GNB1L: variants seen among roughly 807,000 people sequenced by gnomAD.
GNB1L encodes G protein subunit beta 1 like, also known as guanine nucleotide-binding protein subunit beta-like protein 1.
Under a neutral mutation model 29.1 loss-of-function variants are expected in GNB1L, and 20 were observed. That is an observed-to-expected ratio of 0.69 (90% confidence interval 0.48 to 1.00). The LOEUF is 1.00. Among genes scored for constraint, GNB1L ranks in the 50% least tolerant of loss-of-function variants. The pLI, the probability that GNB1L is intolerant of heterozygous loss-of-function variation, is 0.00. For missense variants in GNB1L, 421 were observed against 464.9 expected, an observed-to-expected ratio of 0.91 and a Z score of 0.87; for synonymous variants, 193 against 206.5, an observed-to-expected ratio of 0.93 and a Z score of 0.56.
At chr22:19,806,584 C>A in intron 6 of GNB1L, 75 bp downstream of exon 6, 1 of 916,174 alleles carries the variant, frequency 1.1e-6, no homozygotes, top group South Asian at 1.6e-5. Flanking sequence ...GACGATAAAT[C>A]AGATCCTGAA....
intron 6 of GNB1L, among the ~76,000 whole-genome samples, chr22:19,806,037 C>T (rs1937430183): frequency 6.6e-6 from 1 of 152,192 alleles, no homozygotes; most frequent in African/African-American, 2.4e-5. Flanking sequence ...GGAAGCTGTG[C>T]TGCATGGAGG....
intron 6 of GNB1L, among the ~76,000 whole-genome samples, chr22:19,802,446 C>G (rs566283011): frequency 2.0e-5 from 3 of 152,194 alleles, no homozygotes. Flanking sequence ...CTTAGGGCAC[C>G]CCAAGGACAT....
At chr22:19,838,601 GCTGGATTA>G (rs1479498163) in intron 2 of GNB1L, among the ~76,000 whole-genome samples, 1 of 151,974 alleles carries the variant, frequency 6.6e-6, no homozygotes, top group African/African-American at 2.4e-5. Flanking sequence ...CTCCTGGGTA[GCTGGATTA>G]CAGACGCCTG....
At chr22:19,829,862 T>C (rs1027907914) in intron 2 of GNB1L, among the ~76,000 whole-genome samples, 3 of 151,984 alleles carry the variant, frequency 2.0e-5, no homozygotes, top group South Asian at 2.1e-4. Flanking sequence ...TATATATATA[T>C]ACATCCCCCT....
chr22:19,820,752 AG>A (rs1335190853), intron 3 of GNB1L, 29 bp from the exon 4 acceptor site: 15 of 1,592,918 alleles, frequency 9.4e-6, no homozygotes, highest in Non-Finnish European at 1.3e-5. Flanking sequence ...GCAGGGTGTC[AG>A]GGGGCAGAAG....
intron 4 of GNB1L, among the ~76,000 whole-genome samples, chr22:19,820,183 T>A (rs1304009157): frequency 6.6e-6 from 1 of 152,132 alleles, no homozygotes; most frequent in African/African-American, 2.4e-5. Flanking sequence ...ACTGCCTGCA[T>A]CCCTGAGCCT....
intron 2 of GNB1L, chr22:19,848,736 C>T (rs1166724264): frequency 2.0e-6 from 2 of 985,338 alleles, no homozygotes; most frequent in Non-Finnish European, 2.4e-6. Flanking sequence ...ACTCACACAC[C>T]CCCAGGAGCT....
At chr22:19,799,699 AAGG>A (rs1937347195) in intron 7 of GNB1L, among the ~76,000 whole-genome samples, 1 of 152,202 alleles carries the variant, frequency 6.6e-6, no homozygotes, top group Non-Finnish European at 1.5e-5. Flanking sequence ...GCTCTCAGCC[AAGG>A]AGTCACAGTG....
chr22:19,804,031 T>G (rs1047847473), intron 6 of GNB1L, among the ~76,000 whole-genome samples: 2 of 152,262 alleles, frequency 1.3e-5, no homozygotes, highest in Non-Finnish European at 2.9e-5. Flanking sequence ...CTGACCCGCC[T>G]GTCGTGGTGC....
chr22:19,816,395 C>CT lies in GNB1L; in HGVS notation c.255-3949dup, dbSNP rs1937524207. ...CCAGGCTAATGGGAGTCCCTGCAGG[C>CT]TGGCTCAGAATCCTCTGACGTGGCC... On this transcript the variant is annotated intron_variant, in intron 4 of 7. Coordinates refer to ENST00000329517, the MANE Select transcript of GNB1L (RefSeq NM_053004.3). The surrounding 1 kb of genome is among the most constrained non-coding windows in gnomAD (Gnocchi z 4.4). Among the ~76,000 whole-genome samples, 1 of 152,214 alleles carries CT rather than the reference C, an allele frequency of 6.6e-6. No individual in the cohort carries two copies. Among genetic ancestry groups the CT allele is most frequent in the Admixed American group, 6.5e-5 (1 of 15,288 alleles).
intron 7 of GNB1L, among the ~76,000 whole-genome samples, chr22:19,789,800 G>A (rs1035751173): frequency 6.8e-6 from 1 of 146,824 alleles, no homozygotes; most frequent in African/African-American, 2.5e-5. Context: ...CACTGCCACC[G>A]CACTCCTGCC....
chr22:19,798,763 T>C (rs968123331), intron 7 of GNB1L, among the ~76,000 whole-genome samples: 1 of 152,086 alleles, frequency 6.6e-6, no homozygotes, highest in African/African-American at 2.4e-5. Flanking sequence ...AAGGACCAGC[T>C]TCCCGCAGGA....
chr22:19,849,580 T>C (rs779087081), intron 2 of GNB1L: 33 of 525,096 alleles, frequency 6.3e-5, no homozygotes, highest in Middle Eastern at 1.9e-3. Context: ...CTGGTCAGGC[T>C]GGTCTTGAAC....
chr22:19,847,724 C>G, intron 2 of GNB1L: 1 of 981,292 alleles, frequency 1.0e-6, no homozygotes, highest in Non-Finnish European at 1.2e-6. Flanking sequence ...TGTATTCCCA[C>G]CAACAGTATG....
chr22:19,798,159 A>C (rs1937328560), intron 7 of GNB1L, among the ~76,000 whole-genome samples: 1 of 152,026 alleles, frequency 6.6e-6, no homozygotes, highest in African/African-American at 2.4e-5. Flanking sequence ...CAAGGCCAGC[A>C]CCTGCTGCGC....
chr22:19,850,646 C>T, intron 2 of GNB1L: 2 of 1,226,464 alleles, frequency 1.6e-6, no homozygotes, highest in Non-Finnish European at 2.0e-6. Flanking sequence ...GTGGCCACTT[C>T]CTCCAGGCAG....
intron 4 of GNB1L, among the ~76,000 whole-genome samples, chr22:19,812,968 T>C (rs1937512198): frequency 2.0e-5 from 3 of 152,168 alleles, no homozygotes; most frequent in African/African-American, 7.2e-5. Context: ...CAGGTTACAG[T>C]TCTGAATCCT....
At chr22:19,832,544 CA>C (rs1209764032) in intron 2 of GNB1L, among the ~76,000 whole-genome samples, 1 of 152,110 alleles carries the variant, frequency 6.6e-6, no homozygotes, top group Non-Finnish European at 1.5e-5. Flanking sequence ...GATAAAACTC[CA>C]AATTTCTAGA....
chr22:19,814,536 A>T (rs560254756), intron 4 of GNB1L, among the ~76,000 whole-genome samples: 1 of 152,304 alleles, frequency 6.6e-6, no homozygotes, highest in African/African-American at 2.4e-5. Flanking sequence ...TTGACAGTGG[A>T]GTCAGGCAGA....
Sources: allele counts gnomAD v4.1 joint callset (sites outside exome capture counted in the v4.1 genomes callset), GRCh38; gene constraint gnomAD v4.1.1; non-coding constraint Gnocchi (gnomAD v3.1); transcripts MANE v1.5; gene names NCBI Gene and HGNC (gene_info 2026-07-23, HGNC 2026-07-21).